Variants in CKAP4 observed in about 807,000 individuals in gnomAD.
CKAP4 encodes the protein cytoskeleton associated protein 4.
CKAP4 carries 20 observed loss-of-function variants against 24.4 expected under a neutral mutation model. That is an observed-to-expected ratio of 0.82 (90% confidence interval 0.58 to 1.19). CKAP4 has a LOEUF of 1.19. Among genes scored for constraint, CKAP4 ranks in the 50% most tolerant of loss-of-function variants. The probability of loss-of-function intolerance (pLI) is 0.00; values close to 1 mark genes in which losing one functional copy is unlikely to be tolerated. For missense variants in CKAP4, 744 were observed against 765.3 expected, an observed-to-expected ratio of 0.97 and a Z score of 0.33; for synonymous variants, 378 against 351.7, an observed-to-expected ratio of 1.07 and a Z score of -0.84.
rs1198813829 is a variant in CKAP4, at chr12:106,240,022, C to G, written c.811G>C (p.Ala271Pro). 6.2e-7 allele frequency: 1 copy of G among 1,614,138 alleles called. No homozygotes were observed. Residue 271 changes from alanine (A) to proline (P), a missense_variant, in exon 2 of 2, where the codon GCA (alanine) becomes CCA (proline). Coordinates refer to ENST00000378026, the MANE Select transcript of CKAP4 (RefSeq NM_006825.4). ...GATTCTTCCAGGGAGGCAACCTTTG[C>G]CTTCATGTCATTGATCTCCTTCTGG... is the stretch of plus-strand genomic sequence containing the variant. ...RSQKEINDMK[A>P]KVASLEESEG... is the part of the protein sequence containing the mutation.
Position 106,238,273 on chromosome 12 carries a change from G to A in CKAP4, c.*751C>T, listed in dbSNP as rs140881125. 9 of 152,722 alleles carry A rather than the reference G, an allele frequency of 5.9e-5. No homozygotes were observed. Among genetic ancestry groups the A allele is most frequent in the East Asian group, 1.9e-4 (1 of 5,168 alleles). 9.5% of individuals were successfully genotyped at this position (152,722 alleles called of 1,614,324 possible). On this transcript the variant is annotated 3_prime_UTR_variant, in exon 2 of 2. Transcript: ENST00000378026. ...CCAAGGACTCCCCTTTCTGGTAGTCGAAACCTGTGCATTCCTTGGTGACCT... is the reference window on the plus strand; with the variant it reads ...CCAAGGACTCCCCTTTCTGGTAGTCAAAACCTGTGCATTCCTTGGTGACCT...
At position 106,240,778 on chromosome 12, in the gene CKAP4, C is replaced by G. The variant is rs1017942236; in HGVS notation, c.484-429G>C. ...GTCGTGAGGATGCAATCAGCCAAAC[C>G]CACAATGTGGAAAATTCTACAGGAC... On this transcript the variant is annotated intron_variant, in intron 1 of 1. Coordinates refer to ENST00000378026, the MANE Select transcript of CKAP4 (RefSeq NM_006825.4). 2.0e-5 allele frequency among the ~76,000 whole-genome samples: 3 copies of G among 152,020 alleles called. No individual in the cohort carries two copies. In the South Asian group the frequency reaches 6.2e-4, roughly 32 times the overall value.
At position 106,239,751 on chromosome 12, in the gene CKAP4, T is replaced by G; in HGVS notation, c.1082A>C (p.Glu361Ala). ...CTCCTCCGGGAGGCGGGAGACGGAC[T>G]CCTCAGACCTGAGAAGCTTCTCCGT... ...ALTEKLLRSE[E>A]SVSRLPEEIR... The change falls in exon 2 of 2, where the codon GAG becomes GCG. Residue 361 changes from glutamate to alanine, a missense_variant. Around this residue, in one of 3 missense-constraint regions of CKAP4, gnomAD observed 401 missense variants for 424.5 expected, o/e 0.94. Coordinates refer to ENST00000378026, the MANE Select transcript of CKAP4 (RefSeq NM_006825.4). This position sits in a 1 kb window ranked among gnomAD's most constrained non-coding sequence, Gnocchi z 4.9. 6.2e-7 allele frequency: 1 copy of G among 1,613,522 alleles called. No individual in the cohort carries two copies. Among genetic ancestry groups the G allele is most frequent in the Non-Finnish European group, 8.5e-7 (1 of 1,179,852 alleles).
chr12:106,246,818 G>A (rs2034015184), intron 1 of CKAP4: 1 of 152,472 alleles, frequency 6.6e-6, no homozygotes, highest in Admixed American at 6.5e-5. Context: ...ACAGGACAAG[G>A]GACCTAAAGA....
intron 1 of CKAP4, among the ~76,000 whole-genome samples, chr12:106,243,515 A>C (rs1012620841): frequency 6.6e-6 from 1 of 152,222 alleles, no homozygotes. Context: ...TCCTAGTCTC[A>C]TTAAACTGTC....
At chr12:106,246,348 G>A (rs1345081528) in intron 1 of CKAP4, among the ~76,000 whole-genome samples, 1 of 152,132 alleles carries the variant, frequency 6.6e-6, no homozygotes, top group Admixed American at 6.5e-5. Context: ...ATAAGAATTA[G>A]ATAATATGTG....
At chr12:106,242,286 C>G (rs142033154) in intron 1 of CKAP4, among the ~76,000 whole-genome samples, 1 of 152,222 alleles carries the variant, frequency 6.6e-6, no homozygotes, top group African/African-American at 2.4e-5. Context: ...CTATTATCAT[C>G]GTGATTATTT....
chr12:106,241,576 G>A (rs1039904772), intron 1 of CKAP4, among the ~76,000 whole-genome samples: 49 of 152,092 alleles, frequency 3.2e-4, no homozygotes, highest in Admixed American at 5.2e-4. Context: ...CTCGTGATCC[G>A]CCCGCCTCGG....
In CKAP4 at chr12:106,238,934, T is replaced by TG. The variant is rs2033937584; in HGVS notation, c.*89dup. On this transcript the variant is annotated 3_prime_UTR_variant, in exon 2 of 2. Transcript: ENST00000378026. Reference sequence around the variant, plus strand: ...TGCTCTTTAAGAGGGGACAAGAAATTGGGGGGTAGGGGACACATGGGAAAA... The same window carrying TG: ...TGCTCTTTAAGAGGGGACAAGAAATTGGGGGGGTAGGGGACACATGGGAAAA... 1.4e-6 allele frequency: 2 copies of TG among 1,415,812 alleles called. No individual in the cohort carries two copies. Among genetic ancestry groups the TG allele is most frequent in the Non-Finnish European group, 9.7e-7 (1 of 1,031,228 alleles). 87.7% of individuals were successfully genotyped at this position (1,415,812 alleles called of 1,614,324 possible). A position where few individuals can be genotyped will look rare whatever the true frequency, so the allele number is the denominator to read the frequency against.
In CKAP4 at chr12:106,247,599, CGGAGGA is replaced by C. The variant is rs576389141; in HGVS notation, c.247_252del (p.Ser83_Ser84del). 9.3e-6 allele frequency: 12 copies of C among 1,294,818 alleles called. No homozygotes were observed. The African/African-American group carries it at 9.6e-5, about 10-fold the overall frequency. The allele number at this position is 1,294,818 out of a possible 1,614,324, so 80.2% of individuals were successfully genotyped here. Reference sequence around the variant, plus strand: ...GCGGCGGCGGCAGCGGCGGCGGAGGCGGAGGAGGAGGAGGAGGACTTGCCGCCGCCG... The same window carrying C: ...GCGGCGGCGGCAGCGGCGGCGGAGGCGGAGGAGGAGGACTTGCCGCCGCCG... On this transcript the variant is annotated inframe_deletion, in exon 1 of 2. Coordinates refer to ENST00000378026, the MANE Select transcript of CKAP4 (RefSeq NM_006825.4). The surrounding 1 kb of genome is among the most constrained non-coding windows in gnomAD (Gnocchi z 4.5).
Position 106,239,791 on chromosome 12 carries a change from C to A in CKAP4, c.1042G>T (p.Ala348Ser), listed in dbSNP as rs3088113. 1.1e-5 allele frequency: 18 copies of A among 1,598,438 alleles called. No individual in the cohort carries two copies. The highest frequency in any genetic ancestry group is 1.5e-5 in the Non-Finnish European group (18 of 1,173,244). Reference protein sequence around the residue: ...FKEAADTERLALQALTEKLLR... With the variant: ...FKEAADTERLSLQALTEKLLR... Reference sequence around the variant, plus strand: ...AGCTTCTCCGTGAGGGCCTGCAGGGCGAGCCGCTCCGTGTCGGCCGCCTCC... The same window carrying A: ...AGCTTCTCCGTGAGGGCCTGCAGGGAGAGCCGCTCCGTGTCGGCCGCCTCC... The change falls in exon 2 of 2, where the codon GCC (alanine) becomes TCC (serine). Residue 348 changes from alanine (A) to serine (S), a missense_variant. Ala to Ser is a moderately conservative substitution (Grantham distance 99). Transcript: ENST00000378026. The surrounding 1 kb of genome is among the most constrained non-coding windows in gnomAD (Gnocchi z 4.9).
rs1006033571 is a variant in CKAP4 at position 106,237,944 on chromosome 12, T to C, written c.*1080A>G. 2.6e-5 allele frequency: 4 copies of C among 151,346 alleles called. No homozygotes were observed. The highest frequency in any genetic ancestry group is 7.3e-5 in the African/African-American group (3 of 41,114). The allele number at this position is 151,346 out of a possible 1,614,324, so 9.4% of individuals were successfully genotyped here. A position where few individuals can be genotyped will look rare whatever the true frequency, so the allele number is the denominator to read the frequency against. ...ACTGTAAATAAGCCATACAGTTCAT[T>C]TCACAGTAAACTAAACAAAACTTTT... On this transcript the variant is annotated 3_prime_UTR_variant, in exon 2 of 2. Transcript: ENST00000378026.
rs1219200370 is a variant in CKAP4 at position 106,238,301 on chromosome 12, GGA to G, written c.*721_*722del. On this transcript the variant is annotated 3_prime_UTR_variant, in exon 2 of 2. Transcript: ENST00000378026. ...ACCTGTGCATTCCTTGGTGACCTCC[GGA>G]GAGAGAACATGGGCCGGCAGTGGGG... 2 of 152,718 alleles carry G rather than the reference GGA, an allele frequency of 1.3e-5. No homozygotes were observed. The highest frequency in any genetic ancestry group is 4.8e-5 in the African/African-American group (2 of 41,432). The allele number at this position is 152,718 out of a possible 1,614,324, so 9.5% of individuals were successfully genotyped here. A position where few individuals can be genotyped will look rare whatever the true frequency, so the allele number is the denominator to read the frequency against.
At chr12:106,245,438 C>T (rs2034000552) in intron 1 of CKAP4, among the ~76,000 whole-genome samples, 1 of 152,166 alleles carries the variant, frequency 6.6e-6, no homozygotes, top group African/African-American at 2.4e-5. Flanking sequence ...AGAGGCTAGT[C>T]ATTATACTCC....
chr12:106,247,745 G>A lies in CKAP4; in HGVS notation c.107C>T (p.Pro36Leu). ...SGGADDVAKK[P>L]PPAPQQPPPP... ...CGGCGGCTGCTGCGGCGCCGGCGGC[G>A]GCTTCTTCGCCACGTCATCCGCGCC... Residue 36 changes from proline to leucine, a missense_variant, in exon 1 of 2, where the codon CCG becomes CTG. Around this residue, in one of 3 missense-constraint regions of CKAP4, gnomAD observed 300 missense variants for 264.5 expected, o/e 1.13. Transcript: ENST00000378026. This position sits in a 1 kb window ranked among gnomAD's most constrained non-coding sequence, Gnocchi z 4.5. 1 of 1,050,240 alleles carries A rather than the reference G, an allele frequency of 9.5e-7. No individual in the cohort carries two copies. Among genetic ancestry groups the A allele is most frequent in the Non-Finnish European group, 1.1e-6 (1 of 878,168 alleles). 65.1% of individuals were successfully genotyped at this position (1,050,240 alleles called of 1,614,324 possible).
In CKAP4 at chr12:106,239,740, G is replaced by A. The variant is rs143926692; in HGVS notation, c.1093C>T (p.Arg365Cys). Reference protein sequence around the residue: ...KLLRSEESVSRLPEEIRRLEE... With the variant: ...KLLRSEESVSCLPEEIRRLEE... The stretch of plus-strand genomic sequence containing the variant: ...AGTCTCCGGATCTCCTCCGGGAGGC[G>A]GGAGACGGACTCCTCAGACCTGAGA... The change falls in exon 2 of 2, where the codon CGC (arginine) becomes TGC (cysteine). Residue 365 changes from arginine (R) to cysteine (C), a missense_variant. By Grantham distance (180) the Arg-to-Cys change is radical. Around this residue, in one of 3 missense-constraint regions of CKAP4, gnomAD observed 401 missense variants for 424.5 expected, o/e 0.94. Transcript: ENST00000378026. The surrounding 1 kb of genome is among the most constrained non-coding windows in gnomAD (Gnocchi z 4.9). 8.7e-5 allele frequency: 140 copies of A among 1,613,946 alleles called. No homozygotes were observed. Among genetic ancestry groups the A allele is most frequent in the Admixed American group, 3.2e-4 (19 of 60,014 alleles).
In CKAP4 at chr12:106,238,752, T is replaced by C. The variant is rs79852444; in HGVS notation, c.*272A>G. ...TAATCCTCAATTTAAGCCTTTATCA[T>C]TTTTCTCTGACTAGAGACATCCATG... On this transcript the variant is annotated 3_prime_UTR_variant, in exon 2 of 2. Transcript: ENST00000378026. The C allele has an allele frequency of 2.2e-5, 8 of 365,648 alleles. No homozygotes were observed. The highest frequency in any genetic ancestry group is 4.0e-5 in the Non-Finnish European group (8 of 202,382). 22.7% of individuals were successfully genotyped at this position (365,648 alleles called of 1,614,324 possible). A position where few individuals can be genotyped will look rare whatever the true frequency, so the allele number is the denominator to read the frequency against.
Position 106,247,341 on chromosome 12 carries a change from G to A in CKAP4, c.483+28C>T, listed in dbSNP as rs948861981. 17 of 1,512,540 alleles carry A rather than the reference G, an allele frequency of 1.1e-5. No homozygotes were observed. The highest frequency in any genetic ancestry group is 5.3e-5 in the East Asian group (2 of 37,594). 93.7% of individuals were successfully genotyped at this position (1,512,540 alleles called of 1,614,324 possible). On this transcript the variant is annotated intron_variant, in intron 1 of 1. Transcript: ENST00000378026. The surrounding 1 kb of genome is among the most constrained non-coding windows in gnomAD (Gnocchi z 4.5). Reference sequence around the variant, plus strand: ...TGGGTCCGGAGGCCGCAGTCGATGGGGACAGTTGCGGGGCCGGGGGTACCC... The same window carrying A: ...TGGGTCCGGAGGCCGCAGTCGATGGAGACAGTTGCGGGGCCGGGGGTACCC...
In CKAP4 at chr12:106,238,509, T is replaced by A. The variant is rs1159475369; in HGVS notation, c.*515A>T. 1 of 153,792 alleles carries A rather than the reference T, an allele frequency of 6.5e-6. No homozygotes were observed. The highest frequency in any genetic ancestry group is 1.4e-5 in the Non-Finnish European group (1 of 69,032). The allele number at this position is 153,792 out of a possible 1,614,324, so 9.5% of individuals were successfully genotyped here. Reference sequence around the variant, plus strand: ...AAGAAAGACCCAGGGGCTTCTCCCCTCCTCATTCAGAGCTGACAGCTATGA... The same window carrying A: ...AAGAAAGACCCAGGGGCTTCTCCCCACCTCATTCAGAGCTGACAGCTATGA... On this transcript the variant is annotated 3_prime_UTR_variant, in exon 2 of 2. Transcript: ENST00000378026.
Sources: allele counts gnomAD v4.1 joint callset (sites outside exome capture counted in the v4.1 genomes callset), GRCh38; gene constraint gnomAD v4.1.1; regional missense constraint gnomAD v4.1.1; non-coding constraint Gnocchi (gnomAD v3.1); transcripts MANE v1.5; gene names NCBI Gene and HGNC (gene_info 2026-07-23, HGNC 2026-07-21).